The following HAUS7 variants were observed in gnomAD, a reference collection of about 807,000 sequenced individuals.
HAUS7 encodes HAUS augmin like complex subunit 7.
A neutral mutation model predicts 28.4 loss-of-function variants in HAUS7; 3 were observed. The observed-to-expected ratio is 0.11, with a 90% confidence interval of 0.05 to 0.27. The LOEUF is 0.27. Among genes scored for constraint, HAUS7 ranks in the 10% least tolerant of loss-of-function variants. HAUS7 has a pLI of 1.00. For missense variants in HAUS7, 284 were observed against 297.3 expected, an observed-to-expected ratio of 0.96 and a Z score of 0.33; for synonymous variants, 165 against 132.1, an observed-to-expected ratio of 1.25 and a Z score of -1.71.
chrX:153,448,059 C>G (rs976939910), intron 9 of HAUS7, 150 bp from the exon 10 acceptor site: 1 of 469,560 alleles, frequency 2.1e-6, no homozygotes, highest in African/African-American at 2.4e-5. Flanking sequence ...ACCCAAAGGA[C>G]TATAAATCAT....
At chrX:153,464,691 A>T (rs2089434661) in intron 3 of HAUS7, among the ~76,000 whole-genome samples, 1 of 112,345 alleles carries the variant, frequency 8.9e-6, no homozygotes, top group African/African-American at 3.2e-5. Context: ...GCCCCTAGAA[A>T]TGCCACCTGT....
At chrX:153,467,406 G>A (rs976560959) in intron 2 of HAUS7, among the ~76,000 whole-genome samples, 6 of 111,577 alleles carry the variant, frequency 5.4e-5, no homozygotes, top group Non-Finnish European at 7.5e-5. Context: ...CGCCTGCCCT[G>A]CCCAGAACAT....
intron 1 of HAUS7, chrX:153,486,579 C>T (rs4898381): frequency 1.8e-5 from 17 of 926,805 alleles, no homozygotes; most frequent in African/African-American, 6.1e-5. Context: ...ATGCCTACCC[C>T]GTCTTTCCGG....
chrX:153,447,764 G>C lies in HAUS7; in HGVS notation c.*114C>G. The C allele has an allele frequency of 1.6e-6, 1 of 638,368 alleles. No individual in the cohort carries two copies. The highest frequency in any genetic ancestry group is 2.7e-6 in the Non-Finnish European group (1 of 370,468). 52.6% of individuals were successfully genotyped at this position (638,368 alleles called of 1,213,427 possible). ...GGTCCCTGCCTAGAGCACAACGTGG[G>C]GCTGCAACGGCTTCTGCTGCCACAA... On this transcript the variant is annotated 3_prime_UTR_variant, in exon 10 of 10. Transcript: ENST00000370211.
At position 153,470,418 on chromosome X, in the gene HAUS7, C is replaced by T. The variant is rs782590897; in HGVS notation, c.108+32G>A. On this transcript the variant is annotated intron_variant, in intron 1 of 9. Coordinates refer to ENST00000370211, the MANE Select transcript of HAUS7 (RefSeq NM_001385482.1). ...TCGGGCGGGGCCCTCCCCGGTCCCC[C>T]GCCCTGGAGTGGCTTTCTGGGCCAA... 7.1e-5 allele frequency: 85 copies of T among 1,198,401 alleles called. No homozygotes were observed. The African/African-American group carries it at 1.3e-3, about 18-fold the overall frequency.
intron 1 of HAUS7, among the ~76,000 whole-genome samples, chrX:153,478,012 C>T (rs955030075): frequency 2.4e-4 from 27 of 112,625 alleles, no homozygotes; most frequent in African/African-American, 8.4e-4. Flanking sequence ...TGGCCCTTGC[C>T]GGCCCCTGCC....
At chrX:153,468,098 C>T (rs1406420830) in intron 2 of HAUS7, among the ~76,000 whole-genome samples, 1 of 112,322 alleles carries the variant, frequency 8.9e-6, no homozygotes, top group Admixed American at 9.3e-5. Flanking sequence ...AAGGCAGAGG[C>T]AGGAGACGCC....
At chrX:153,453,821 C>CTT (rs11350425) in intron 9 of HAUS7, among the ~76,000 whole-genome samples, 1 of 97,613 alleles carries the variant, frequency 1.0e-5, no homozygotes. Context: ...CCTTAAGTAA[C>CTT]TTTTTTTTTT....
At chrX:153,494,782 A>G (rs1430919999) in intron 1 of HAUS7, among the ~76,000 whole-genome samples, 2 of 100,002 alleles carry the variant, frequency 2.0e-5, no homozygotes, top group Non-Finnish European at 4.0e-5. Flanking sequence ...GGGCTCAGCT[A>G]GTCCAGCCGT....
intron 2 of HAUS7, among the ~76,000 whole-genome samples, chrX:153,466,655 T>C (rs183562052): frequency 1.6e-3 from 184 of 112,403 alleles, no homozygotes; most frequent in African/African-American, 5.0e-3. Flanking sequence ...TGTAGGACCC[T>C]CAAAAGGCCT....
intron 1 of HAUS7, chrX:153,483,211 G>A (rs376506072): frequency 1.5e-5 from 8 of 548,342 alleles, no homozygotes; most frequent in East Asian, 3.5e-4. Context: ...AGGCAGTGCC[G>A]GCAGAGAATG....
At chrX:153,462,724 G>C in intron 3 of HAUS7, 53 bp from the exon 4 acceptor site, 1 of 955,149 alleles carries the variant, frequency 1.0e-6, no homozygotes, top group Non-Finnish European at 1.5e-6. Context: ...GACAGCAGGG[G>C]ACAGCAGACA....
intron 4 of HAUS7, chrX:153,462,112 T>C (rs1291776140): frequency 9.5e-7 from 1 of 1,053,973 alleles, no homozygotes; most frequent in African/African-American, 1.9e-5. Flanking sequence ...AAAAATCATA[T>C]GCAAGAATGT....
chrX:153,447,681 C>T lies in HAUS7; in HGVS notation c.*197G>A. The T allele has an allele frequency of 1.8e-6, 1 of 562,251 alleles. No individual in the cohort carries two copies. The highest frequency in any genetic ancestry group is 2.3e-5 in the South Asian group (1 of 44,099). The allele number at this position is 562,251 out of a possible 1,213,427, so 46.3% of individuals were successfully genotyped here. ...GGAGGCAACTGCTTAGAAACCAAGG[C>T]TTTCTTTGTGTCCAAGTCAAACCGC... On this transcript the variant is annotated 3_prime_UTR_variant, in exon 10 of 10. Transcript: ENST00000370211.
intron 4 of HAUS7, among the ~76,000 whole-genome samples, chrX:153,459,965 A>G (rs1179064588): frequency 3.6e-5 from 4 of 112,327 alleles, no homozygotes; most frequent in African/African-American, 1.3e-4. Flanking sequence ...GATATTCCCA[A>G]TTAAAACTCA....
At chrX:153,448,549 T>A (rs1351858395) in intron 9 of HAUS7, among the ~76,000 whole-genome samples, 16 of 109,245 alleles carry the variant, frequency 1.5e-4, no homozygotes, top group Non-Finnish European at 1.9e-4. Context: ...ATAATAAAAA[T>A]ATATATATAT....
chrX:153,454,697 T>C (rs2089282537), intron 8 of HAUS7, 189 bp from the exon 9 acceptor site: 2 of 476,306 alleles, frequency 4.2e-6, no homozygotes, highest in African/African-American at 4.8e-5. Flanking sequence ...ATCAGAGTTC[T>C]CGGACCTAAG....
chrX:153,480,477 G>T, intron 1 of HAUS7: 1 of 515,099 alleles, frequency 1.9e-6, no homozygotes. Flanking sequence ...GGCGGGGCGG[G>T]GGGAGGCCTG....
At chrX:153,485,488 C>G (rs1556988283) in intron 1 of HAUS7, among the ~76,000 whole-genome samples, 2 of 112,147 alleles carry the variant, frequency 1.8e-5, no homozygotes, top group African/African-American at 6.5e-5. Flanking sequence ...TCCACAATGA[C>G]AGCAGGTATC....
Sources: gnomAD v4.1 joint callset for allele counts (sites outside exome capture counted in the v4.1 genomes callset) on GRCh38, gnomAD v4.1.1 for gene constraint, MANE v1.5 for transcripts, NCBI Gene and HGNC (gene_info 2026-07-23, HGNC 2026-07-21) for gene names.